The following PUS1 variants were observed in gnomAD, a reference collection of about 807,000 sequenced individuals.
PUS1 encodes pseudouridine synthase 1.
Under a neutral mutation model 38.5 loss-of-function variants are expected in PUS1, and 25 were observed. The observed-to-expected ratio is 0.65, with a 90% CI of 0.47 to 0.91. The LOEUF (loss-of-function observed/expected upper bound fraction) is 0.91, where lower values mean the gene tolerates loss of function less well. PUS1 is among the 40% of genes least tolerant of loss of function. The pLI is 0.00. For synonymous variants in PUS1, 282 were observed against 260.4 expected (o/e 1.08, Z -0.80); for missense variants, 597 against 612.3 (o/e 0.97, Z 0.26).
Position 131,943,597 on chromosome 12 carries a change from G to A in PUS1, c.*11G>A, listed in dbSNP as rs1486774536. The A allele has an allele frequency of 6.2e-7, 1 of 1,611,786 alleles. No individual in the cohort carries two copies. Among genetic ancestry groups the A allele is most frequent in the Admixed American group, 1.7e-5 (1 of 60,014 alleles). ...GGAGACACTGACTGAGGCGATGGGA[G>A]CTGCCCACCAGAGTGCCTCTGAGCA... is the stretch of plus-strand genomic sequence containing the variant. On this transcript the variant is annotated 3_prime_UTR_variant, in exon 6 of 6. Coordinates refer to ENST00000376649, the MANE Select transcript of PUS1 (RefSeq NM_025215.6).
Position 131,934,838 on chromosome 12 carries a change from GA to G in PUS1, c.441+2528del, listed in dbSNP as rs1193715227. 2.6e-5 allele frequency: 4 copies of G among 152,366 alleles called. No individual in the cohort carries two copies. The South Asian group carries it at 8.3e-4, about 32-fold the overall frequency. The allele number at this position is 152,366 out of a possible 1,614,324, so 9.4% of individuals were successfully genotyped here. The stretch of plus-strand genomic sequence containing the variant: ...CTGTCACATGGCTCTCAGGCTGCCT[GA>G]AGGCATTAGGGGCCTATCAGAGACA... On this transcript the variant is annotated intron_variant, in intron 3 of 5. Transcript: ENST00000376649.
rs868439830 is a variant in PUS1 at position 131,929,615 on chromosome 12, C to T, written c.-108C>T. 11 of 965,946 alleles carry T rather than the reference C, an allele frequency of 1.1e-5. No individual in the cohort carries two copies. In the African/African-American group the frequency reaches 1.9e-4, roughly 17 times the overall value. The allele number at this position is 965,946 out of a possible 1,614,324, so 59.8% of individuals were successfully genotyped here. On this transcript the variant is annotated 5_prime_UTR_variant, in exon 1 of 6. Transcript: ENST00000376649. ...AGGTCAGGGGTCAGAAGGAACAGGG[C>T]TGCAGCGTCAGGGTCCGAGAGGTTA...
At position 131,932,205 on chromosome 12, in the gene PUS1, A is replaced by G. The variant is rs1287386095; in HGVS notation, c.334A>G (p.Ile112Val). The G allele has an allele frequency of 1.2e-6, 2 of 1,613,980 alleles. No individual in the cohort carries two copies. Among genetic ancestry groups the G allele is most frequent in the African/African-American group, 1.3e-5 (1 of 74,932 alleles). ...TGTCGGGTCCTCACAATTCAAAACA[A>G]TTGAAGATGACTTGGTGTCCGCCCT... ...RNVGSSQFKT[I>V]EDDLVSALVR... is the part of the protein sequence containing the mutation. Residue 112 changes from isoleucine (I) to valine (V), a missense_variant, in exon 3 of 6, where the codon ATT becomes GTT. Transcript: ENST00000376649.
chr12:131,929,823 C>T, intron 1 of PUS1, 27 bp downstream of exon 1: 1 of 1,555,630 alleles, frequency 6.4e-7, no homozygotes, highest in Non-Finnish European at 8.6e-7. Flanking sequence ...CGGGCGACCC[C>T]GCTATGCCCG....
intron 4 of PUS1, among the ~76,000 whole-genome samples, chr12:131,940,106 C>G (rs1891001948): frequency 6.6e-6 from 1 of 152,046 alleles, no homozygotes; most frequent in Middle Eastern, 3.2e-3. Context: ...GATCACAGCT[C>G]ACTGTAGCAT....
chr12:131,943,423 T>G, intron 5 of PUS1, 116 bp from the exon 6 acceptor site: 4 of 837,086 alleles, frequency 4.8e-6, no homozygotes, highest in East Asian at 2.5e-5. Flanking sequence ...CTGCTCCTGA[T>G]GAGGGAGTGG....
At chr12:131,932,892 T>G (rs1052054710) in intron 3 of PUS1, 2 of 421,170 alleles carry the variant, frequency 4.7e-6, no homozygotes, top group African/African-American at 4.2e-5. Context: ...TTGGGCAGTT[T>G]ATAAAGAAAA....
Position 131,929,958 on chromosome 12 carries a change from C to T in PUS1, c.126C>T (p.Cys42=), listed in dbSNP as rs1890514043. The stretch of plus-strand genomic sequence containing the variant: ...AGCCGCCGCCCGCCGGAGCCGCATG[C>T]CCCCAGGACCGGAGGTCCTGCAGCG... ...NAEPPPAGAA[C]PQDRRSCSGR... Residue 42 remains cysteine, a synonymous_variant, in exon 2 of 6, where the codon TGC becomes TGT. Transcript: ENST00000376649. 2 of 1,510,676 alleles carry T rather than the reference C, an allele frequency of 1.3e-6. No homozygotes were observed. The highest frequency in any genetic ancestry group is 1.8e-6 in the Non-Finnish European group (2 of 1,139,752). The allele number at this position is 1,510,676 out of a possible 1,614,324, so 93.6% of individuals were successfully genotyped here.
At chr12:131,939,563 T>C (rs959262068) in intron 4 of PUS1, among the ~76,000 whole-genome samples, 6 of 152,332 alleles carry the variant, frequency 3.9e-5, no homozygotes, top group Admixed American at 3.9e-4. Flanking sequence ...ACGGCAGGAC[T>C]GGTAAATGGA....
chr12:131,941,953 C>T lies in PUS1; in HGVS notation c.1206C>T (p.Thr402=), dbSNP rs138791193. The change falls in exon 5 of 6, where the codon ACC becomes ACT. Residue 402 remains threonine, a synonymous_variant. Transcript: ENST00000376649. The surrounding 1 kb of genome is among the most constrained non-coding windows in gnomAD (Gnocchi z 4.4). ...STLPIHNFSA[T]ALTAGGTGAK... is the part of the protein sequence containing the mutation. ...TGCCCATCCACAACTTCAGTGCCAC[C>T]GCTCTCACGGCAGGTGGCACGGGCG... 222 of 1,612,938 alleles carry T rather than the reference C, an allele frequency of 1.4e-4. 1 individual carries two copies. Among genetic ancestry groups the T allele is most frequent in the Non-Finnish European group, 1.7e-4 (202 of 1,179,984 alleles).
At chr12:131,934,228 G>A (rs959195977) in intron 3 of PUS1, among the ~76,000 whole-genome samples, 3 of 152,222 alleles carry the variant, frequency 2.0e-5, no homozygotes, top group Non-Finnish European at 2.9e-5. Flanking sequence ...GTTTAAGCCC[G>A]CTGATGACTG....
intron 3 of PUS1, among the ~76,000 whole-genome samples, chr12:131,937,672 C>T (rs950018773): frequency 1.3e-5 from 2 of 152,054 alleles, no homozygotes; most frequent in African/African-American, 2.4e-5. Flanking sequence ...CACCGCACTC[C>T]GCCCGTTTTT....
In PUS1 at chr12:131,943,524, G is replaced by T. The variant is rs1007267309; in HGVS notation, c.1237-15G>T. On this transcript the variant is annotated splice_polypyrimidine_tract_variant and intron_variant, in intron 5 of 5. Transcript: ENST00000376649. ...AGTGCTTGCCTCTTATTCTCCATGT[G>T]GTCTTCTTCTGCAGGTGCCCAGTCC... The T allele has an allele frequency of 3.1e-6, 5 of 1,610,972 alleles. No individual in the cohort carries two copies. The highest frequency in any genetic ancestry group is 3.4e-6 in the Non-Finnish European group (4 of 1,177,282).
chr12:131,940,936 C>A, intron 4 of PUS1: 1 of 273,668 alleles, frequency 3.7e-6, no homozygotes, highest in Non-Finnish European at 7.0e-6. Flanking sequence ...TGTGATATTT[C>A]CAGTCATGTA....
intron 3 of PUS1, chr12:131,934,951 AGATCCCTGGG>A (rs1361351724): frequency 6.6e-6 from 1 of 152,286 alleles, no homozygotes; most frequent in Admixed American, 6.5e-5. Flanking sequence ...AAAGGCACAC[AGATCCCTGGG>A]GATCCATGGA....
At chr12:131,938,146 C>T (rs1466345733) in intron 3 of PUS1, among the ~76,000 whole-genome samples, 4 of 152,038 alleles carry the variant, frequency 2.6e-5, no homozygotes, top group Non-Finnish European at 5.9e-5. Flanking sequence ...TTCCTTTAAT[C>T]GAAAACGATC....
rs555191234 is a variant in PUS1, at chr12:131,933,062, C to T, written c.441+750C>T. ...TATCACGAGAACAGCATGGGGGAAGCCGGGCCCATGATCCAGTCACCTCCC... is the reference window on the plus strand; with the variant it reads ...TATCACGAGAACAGCATGGGGGAAGTCGGGCCCATGATCCAGTCACCTCCC... On this transcript the variant is annotated intron_variant, in intron 3 of 5. Transcript: ENST00000376649. Among the ~76,000 whole-genome samples the T allele has an allele frequency of 5.9e-5, 9 of 152,188 alleles. No homozygotes were observed. The East Asian group carries it at 1.5e-3, about 26-fold the overall frequency.
At chr12:131,930,392 C>T (rs752320431) in intron 2 of PUS1, among the ~76,000 whole-genome samples, 1 of 152,218 alleles carries the variant, frequency 6.6e-6, no homozygotes, top group Non-Finnish European at 1.5e-5. Context: ...TGCCTGAGTC[C>T]TCATCTTTAG....
rs767860993 is a variant in PUS1 at position 131,941,137 on chromosome 12, G to A, written c.545-155G>A. The A allele has an allele frequency of 4.5e-5, 30 of 670,414 alleles. No homozygotes were observed. The highest frequency in any genetic ancestry group is 7.5e-5 in the Non-Finnish European group (28 of 375,354). 41.5% of individuals were successfully genotyped at this position (670,414 alleles called of 1,614,324 possible). On this transcript the variant is annotated intron_variant, in intron 4 of 5. Transcript: ENST00000376649. The surrounding 1 kb of genome is among the most constrained non-coding windows in gnomAD (Gnocchi z 4.4). ...TCCTCCTGTGCCTGTTCCCCAGCCTGTGGCTGCCCCCTCCCCAGAGAAGCC... is the reference window on the plus strand; with the variant it reads ...TCCTCCTGTGCCTGTTCCCCAGCCTATGGCTGCCCCCTCCCCAGAGAAGCC...
Sources: gnomAD v4.1 joint callset for allele counts (sites outside exome capture counted in the v4.1 genomes callset) on GRCh38, gnomAD v4.1.1 for gene constraint, Gnocchi (gnomAD v3.1) non-coding constraint, MANE v1.5 for transcripts, NCBI Gene and HGNC (gene_info 2026-07-23, HGNC 2026-07-21) for gene names.